The following SEPHS1 variants were observed in gnomAD, a reference collection of about 807,000 sequenced individuals.
SEPHS1 encodes selenophosphate synthetase 1.
A neutral mutation model predicts 39.2 loss-of-function variants in SEPHS1; 7 were observed. The ratio of observed to expected loss-of-function variants is 0.18; its 90% CI spans 0.10 to 0.34. The LOEUF (loss-of-function observed/expected upper bound fraction) is 0.34, where lower values mean the gene tolerates loss of function less well. SEPHS1 is among the 10% of genes least tolerant of loss of function. The pLI is 1.00. For synonymous variants in SEPHS1, 190 were observed against 195.5 expected (o/e 0.97, Z 0.23); for missense variants, 253 against 514.5 (o/e 0.49, Z 4.92).
intron 5 of SEPHS1, among the ~76,000 whole-genome samples, chr10:13,331,561 T>G (rs918301162): frequency 2.6e-5 from 4 of 152,140 alleles, no homozygotes; most frequent in African/African-American, 9.7e-5. Flanking sequence ...TTTTGTATTT[T>G]TAGTAGAGAC....
At chr10:13,336,120 GGA>G in intron 4 of SEPHS1, 121 bp downstream of exon 4, 2 of 599,394 alleles carry the variant, frequency 3.3e-6, no homozygotes, top group South Asian at 4.6e-5. Context: ...AGAGCCAGAA[GGA>G]GTGCAGGGAG....
chr10:13,339,686 G>C (rs1454776296), intron 2 of SEPHS1, among the ~76,000 whole-genome samples: 1 of 152,058 alleles, frequency 6.6e-6, no homozygotes, highest in Non-Finnish European at 1.5e-5. Context: ...TCAAATCCCT[G>C]ATTTGAAATG....
chr10:13,322,044 C>T (rs1239200486), intron 8 of SEPHS1: 1 of 455,774 alleles, frequency 2.2e-6, no homozygotes, highest in South Asian at 1.6e-5. Context: ...ATTTATGTTT[C>T]CTCTAATAAA....
At chr10:13,332,895 T>C (rs1024280815) in intron 5 of SEPHS1, among the ~76,000 whole-genome samples, 2 of 151,742 alleles carry the variant, frequency 1.3e-5, no homozygotes. Context: ...ATTAAAATAC[T>C]GACACATGCT....
intron 8 of SEPHS1, among the ~76,000 whole-genome samples, chr10:13,320,285 C>T (rs1235998840): frequency 4.6e-5 from 7 of 151,792 alleles, no homozygotes; most frequent in Non-Finnish European, 1.0e-4. Context: ...GGGTTCACAC[C>T]ATTCTCCTGC....
In SEPHS1 at chr10:13,344,931, A is replaced by G; in HGVS notation, c.20T>C (p.Phe7Ser). 3 of 1,586,264 alleles carry G rather than the reference A, an allele frequency of 1.9e-6. No homozygotes were observed. Among genetic ancestry groups the G allele is most frequent in the Non-Finnish European group, 2.6e-6 (3 of 1,164,996 alleles). The change falls in exon 2 of 9, where the codon TTT (phenylalanine) becomes TCT (serine). Residue 7 changes from phenylalanine (F) to serine (S), a missense_variant. By Grantham distance (155) the Phe-to-Ser change is radical. Coordinates refer to ENST00000327347, the MANE Select transcript of SEPHS1 (RefSeq NM_012247.5). ...GTCCAATTCGTAACTTTCCGGGTTA[A>G]AGGACTCCCGCGTAGACATGGTTCT... is the stretch of plus-strand genomic sequence containing the variant. MSTRES[F>S]NPESYELDKS...
Position 13,328,388 on chromosome 10 carries a change from C to T in SEPHS1, c.714G>A (p.Gln238=). The change falls in exon 7 of 9, where the codon CAG becomes CAA. Residue 238 remains glutamine (Q), a synonymous_variant. Transcript: ENST00000327347. Reference sequence around the variant, plus strand: ...GCCTCGCCATGTTCATCATCGCCTCCTGGTAGGCCAGCTCTACATCTTCTT... The same window carrying T: ...GCCTCGCCATGTTCATCATCGCCTCTTGGTAGGCCAGCTCTACATCTTCTT... The part of the protein sequence containing the change: ...VTQEDVELAY[Q]EAMMNMARLN... The T allele has an allele frequency of 6.2e-7, 1 of 1,614,028 alleles. No homozygotes were observed. The highest frequency in any genetic ancestry group is 8.5e-7 in the Non-Finnish European group (1 of 1,179,902).
At chr10:13,341,632 G>A (rs1427217317) in intron 2 of SEPHS1, among the ~76,000 whole-genome samples, 2 of 152,114 alleles carry the variant, frequency 1.3e-5, no homozygotes, top group Non-Finnish European at 2.9e-5. Context: ...TTTGAAGCCA[G>A]AAAACATGAC....
intron 8 of SEPHS1, among the ~76,000 whole-genome samples, chr10:13,322,407 A>C (rs1205742354): frequency 1.3e-5 from 2 of 151,976 alleles, no homozygotes; most frequent in African/African-American, 4.8e-5. Context: ...CAGCCTCCTG[A>C]GGTGCCAGTA....
intron 5 of SEPHS1, among the ~76,000 whole-genome samples, chr10:13,330,661 C>CA (rs1179447461): frequency 6.6e-6 from 1 of 152,120 alleles, no homozygotes; most frequent in Non-Finnish European, 1.5e-5. Flanking sequence ...CCACAGACTT[C>CA]AATACCAACA....
intron 1 of SEPHS1, among the ~76,000 whole-genome samples, chr10:13,347,098 C>T (rs1196599834): frequency 2.0e-5 from 3 of 152,208 alleles, no homozygotes; most frequent in African/African-American, 7.2e-5. Context: ...GGCGACCCCG[C>T]AGCCACATGT....
intron 5 of SEPHS1, 71 bp downstream of exon 5, chr10:13,333,742 AATAC>A: frequency 6.7e-7 from 1 of 1,494,254 alleles, no homozygotes; most frequent in Non-Finnish European, 9.2e-7. Flanking sequence ...ACCTGACCTT[AATAC>A]ATCAATTTTT....
Position 13,322,938 on chromosome 10 carries a change from C to T in SEPHS1, c.861G>A (p.Ser287=), listed in dbSNP as rs544382444. The change falls in exon 8 of 9, where the codon TCG becomes TCA. Residue 287 remains serine, a synonymous_variant. Transcript: ENST00000327347. ...GCACCGGGAGGTTGTGAATTACAAA[C>T]GACACCTCGTTCCTCTGCTGCTTGG... The part of the protein sequence containing the change: ...NLAKQQRNEV[S]FVIHNLPVLA... 7 of 1,614,030 alleles carry T rather than the reference C, an allele frequency of 4.3e-6. No individual in the cohort carries two copies. Among genetic ancestry groups the T allele is most frequent in the East Asian group, 4.5e-5 (2 of 44,878 alleles).
intron 5 of SEPHS1, 27 bp downstream of exon 5, chr10:13,333,790 G>A (rs1401563166): frequency 1.2e-6 from 2 of 1,609,840 alleles, no homozygotes; most frequent in African/African-American, 1.3e-5. Flanking sequence ...AAACAGGTCA[G>A]GTGATATGAA....
chr10:13,338,894 C>A, intron 2 of SEPHS1, 86 bp from the exon 3 acceptor site: 1 of 972,352 alleles, frequency 1.0e-6, no homozygotes, highest in Non-Finnish European at 1.7e-6. Flanking sequence ...ACAGGAAGAG[C>A]TCATAAGATA....
Position 13,333,926 on chromosome 10 carries a change from C to T in SEPHS1, c.451G>A (p.Ala151Thr), listed in dbSNP as rs149225659. Residue 151 changes from alanine to threonine, a missense_variant, in exon 5 of 9, where the codon GCA becomes ACA. This residue lies in a region of SEPHS1 where 123 missense variants were observed against 196.8 expected (regional missense o/e 0.62). Coordinates refer to ENST00000327347, the MANE Select transcript of SEPHS1 (RefSeq NM_012247.5). ...MPLIIQGFKD[A>T]AEEAGTSVTG... ...ACAGATGTTCCTGCTTCCTCAGCTGCGTCTTTAAAACCTTGGATAATCAGA... is the reference window on the plus strand; with the variant it reads ...ACAGATGTTCCTGCTTCCTCAGCTGTGTCTTTAAAACCTTGGATAATCAGA... 94 of 1,613,828 alleles carry T rather than the reference C, an allele frequency of 5.8e-5. No homozygotes were observed. The African/African-American group carries it at 8.4e-4, about 14-fold the overall frequency.
At chr10:13,324,032 G>A (rs529501159) in intron 7 of SEPHS1, among the ~76,000 whole-genome samples, 3 of 152,058 alleles carry the variant, frequency 2.0e-5, no homozygotes, top group African/African-American at 4.8e-5. Flanking sequence ...GCAGTTTTGC[G>A]TTTAGAAAGA....
In SEPHS1 at chr10:13,336,266, C is replaced by T. The variant is rs1308125850; in HGVS notation, c.382G>A (p.Val128Ile). The T allele has an allele frequency of 1.9e-6, 3 of 1,613,796 alleles. No homozygotes were observed. ...ECDNMLMLLGVSNKMTDRERD... is the reference protein window; with the variant it reads ...ECDNMLMLLGISNKMTDRERD... ...ACCCTGTCGGTCATTTTATTACTGA[C>T]TCCAAGGAGCATCAGCATATTGTCA... Residue 128 changes from valine to isoleucine, a missense_variant, in exon 4 of 9, where the codon GTC becomes ATC. Around this residue, in one of 4 missense-constraint regions of SEPHS1, gnomAD observed 123 missense variants for 196.8 expected, o/e 0.62. Coordinates refer to ENST00000327347, the MANE Select transcript of SEPHS1 (RefSeq NM_012247.5).
At chr10:13,319,970 T>C (rs559727537) in intron 8 of SEPHS1, among the ~76,000 whole-genome samples, 1 of 152,166 alleles carries the variant, frequency 6.6e-6, no homozygotes, top group Middle Eastern at 3.2e-3. Flanking sequence ...GAAACAAATA[T>C]TGACAAACAA....
Sources: gnomAD v4.1 joint callset for allele counts (sites outside exome capture counted in the v4.1 genomes callset) on GRCh38, gnomAD v4.1.1 for gene constraint, gnomAD v4.1.1 regional missense constraint, MANE v1.5 for transcripts, NCBI Gene and HGNC (gene_info 2026-07-23, HGNC 2026-07-21) for gene names.